Variants in BCL2 observed in about 807,000 individuals in gnomAD.
BCL2 encodes BCL2 apoptosis regulator.
A neutral mutation model predicts 14.2 loss-of-function variants in BCL2; 1 was observed. That is an observed-to-expected ratio of 0.07 (90% CI 0.02 to 0.33). The LOEUF (loss-of-function observed/expected upper bound fraction) is 0.33, where lower values mean the gene tolerates loss of function less well. Ranked by LOEUF, BCL2 falls within the 10% of genes least tolerant of loss-of-function variation. The probability of loss-of-function intolerance (pLI) is 0.99; values close to 1 mark genes in which losing one functional copy is unlikely to be tolerated. For missense variants in BCL2, 247 were observed against 305.9 expected (o/e 0.81, Z 1.44); for synonymous variants, 151 against 137.2 (o/e 1.10, Z -0.70).
In BCL2 at chr18:63,206,807, C is replaced by T. The variant is rs575848494; in HGVS notation, c.586-78048G>A. Among the ~76,000 whole-genome samples, 8 of 151,744 alleles carry T rather than the reference C, an allele frequency of 5.3e-5. No homozygotes were observed. In the East Asian group the frequency reaches 1.4e-3, roughly 26 times the overall value. On this transcript the variant is annotated intron_variant, in intron 2 of 2. Coordinates refer to ENST00000333681, the MANE Select transcript of BCL2 (RefSeq NM_000633.3). ...CAGTGGGAGGGTTGGGGCAGGGGCA[C>T]GGCCTTGGGACTAGAGTAGGTGGAG...
chr18:63,317,981 G>A, intron 2 of BCL2, 101 bp downstream of exon 2: 1 of 1,504,458 alleles, frequency 6.6e-7, no homozygotes, highest in Non-Finnish European at 8.9e-7. Context: ...TATTTCGCCG[G>A]CTCCACAGCC....
chr18:63,265,733 T>C (rs1911806379), intron 2 of BCL2, among the ~76,000 whole-genome samples: 2 of 152,200 alleles, frequency 1.3e-5, no homozygotes, highest in Non-Finnish European at 2.9e-5. Flanking sequence ...AGACAAAGGA[T>C]ATATTTCTTT....
chr18:63,285,472 A>C (rs1912444400), intron 2 of BCL2, among the ~76,000 whole-genome samples: 1 of 152,162 alleles, frequency 6.6e-6, no homozygotes. Context: ...CCTTAGTTGG[A>C]GCTGTAGCTA....
intron 2 of BCL2, among the ~76,000 whole-genome samples, chr18:63,289,503 G>A (rs1912581730): frequency 6.6e-6 from 1 of 152,150 alleles, no homozygotes; most frequent in South Asian, 2.1e-4. Flanking sequence ...GAGTAGCAGG[G>A]AATGATGAAG....
At chr18:63,310,999 C>T (rs952316754) in intron 2 of BCL2, among the ~76,000 whole-genome samples, 4 of 151,620 alleles carry the variant, frequency 2.6e-5, no homozygotes, top group African/African-American at 9.7e-5. Context: ...TCCAGAAATG[C>T]CAATGCTGCC....
At chr18:63,288,833 A>G (rs1028779005) in intron 2 of BCL2, among the ~76,000 whole-genome samples, 1 of 152,230 alleles carries the variant, frequency 6.6e-6, no homozygotes. Context: ...TGTTTCTTTA[A>G]GAGCTGAGTA....
chr18:63,272,026 T>A (rs1460045701), intron 2 of BCL2, among the ~76,000 whole-genome samples: 1 of 152,200 alleles, frequency 6.6e-6, no homozygotes, highest in Admixed American at 6.5e-5. Flanking sequence ...GTTTTCAAGT[T>A]CATCCTGTTT....
At chr18:63,205,227 T>A (rs900020162) in intron 2 of BCL2, among the ~76,000 whole-genome samples, 7 of 152,222 alleles carry the variant, frequency 4.6e-5, no homozygotes, top group African/African-American at 1.7e-4. Flanking sequence ...CAGCCTTCCT[T>A]TGAACCGGAA....
chr18:63,212,065 C>T (rs987537706), intron 2 of BCL2, among the ~76,000 whole-genome samples: 9 of 152,274 alleles, frequency 5.9e-5, no homozygotes, highest in South Asian at 2.1e-4. Context: ...TGGTGGCTCA[C>T]GCCTGTAATC....
chr18:63,303,601 T>C (rs1394816685), intron 2 of BCL2, among the ~76,000 whole-genome samples: 1 of 152,168 alleles, frequency 6.6e-6, no homozygotes. Context: ...GGATGCTGGT[T>C]TTGCCTCTTA....
chr18:63,302,523 A>G, intron 2 of BCL2: 2 of 985,394 alleles, frequency 2.0e-6, no homozygotes, highest in Non-Finnish European at 2.4e-6. Context: ...AAGTCATAAC[A>G]TGTTGTGCCC....
chr18:63,179,426 G>A (rs1026971649), intron 2 of BCL2, among the ~76,000 whole-genome samples: 2 of 152,106 alleles, frequency 1.3e-5, no homozygotes, highest in African/African-American at 4.8e-5. Flanking sequence ...GGGCCCCTGG[G>A]GCTCTCATCT....
At chr18:63,258,077 T>G (rs1196250456) in intron 2 of BCL2, among the ~76,000 whole-genome samples, 1 of 152,170 alleles carries the variant, frequency 6.6e-6, no homozygotes, top group African/African-American at 2.4e-5. Flanking sequence ...TGCGTCCTTA[T>G]AGGCAGAGGA....
chr18:63,171,800 C>A (rs1915226925), intron 2 of BCL2, among the ~76,000 whole-genome samples: 1 of 152,114 alleles, frequency 6.6e-6, no homozygotes, highest in African/African-American at 2.4e-5. Flanking sequence ...CAGAGCAAGA[C>A]CTTGTCTCTA....
At chr18:63,273,757 G>A (rs925913440) in intron 2 of BCL2, among the ~76,000 whole-genome samples, 39 of 152,006 alleles carry the variant, frequency 2.6e-4, no homozygotes, top group Admixed American at 7.2e-4. Context: ...AAAGCCTCAC[G>A]CCTGACTCCT....
chr18:63,252,979 TA>T (rs948645270), intron 2 of BCL2, among the ~76,000 whole-genome samples: 1 of 152,166 alleles, frequency 6.6e-6, no homozygotes, highest in Non-Finnish European at 1.5e-5. Flanking sequence ...TCCCGATTTT[TA>T]AAAAGTGAAT....
chr18:63,223,250 G>A (rs1910452810), intron 2 of BCL2, among the ~76,000 whole-genome samples: 1 of 151,934 alleles, frequency 6.6e-6, no homozygotes, highest in South Asian at 2.1e-4. Flanking sequence ...AATAGAAAAA[G>A]TTAGCCGGGC....
chr18:63,308,821 A>T (rs555058016), intron 2 of BCL2, among the ~76,000 whole-genome samples: 1 of 152,314 alleles, frequency 6.6e-6, no homozygotes, highest in South Asian at 2.1e-4. Context: ...GCTGCTTAGG[A>T]TGAATTGCTC....
chr18:63,260,995 A>G (rs1417935231), intron 2 of BCL2, among the ~76,000 whole-genome samples: 3 of 152,170 alleles, frequency 2.0e-5, no homozygotes, highest in African/African-American at 7.2e-5. Context: ...ACAAAAATCA[A>G]TTAAGGTCCA....
Sources: allele counts gnomAD v4.1 joint callset (sites outside exome capture counted in the v4.1 genomes callset), GRCh38; gene constraint gnomAD v4.1.1; transcripts MANE v1.5; gene names NCBI Gene and HGNC (gene_info 2026-07-23, HGNC 2026-07-21).